RAB10: variants seen among roughly 807,000 people sequenced by gnomAD.
The protein encoded by RAB10 is ras-related protein Rab-10.
A neutral mutation model predicts 25.7 loss-of-function variants in RAB10; 5 were observed. The observed-to-expected ratio is 0.19, with a 90% CI of 0.10 to 0.41. RAB10 has a LOEUF of 0.41. Among genes scored for constraint, RAB10 ranks in the 10% least tolerant of loss-of-function variants. The pLI is 1.00. For synonymous variants in RAB10, 89 were observed against 86.4 expected (o/e 1.03, Z -0.16); for missense variants, 103 against 245.8 (o/e 0.42, Z 3.89).
In RAB10 at chr2:26,034,592, C is replaced by G. The variant is rs909527265; in HGVS notation, c.-17C>G. The G allele has an allele frequency of 1.2e-6, 2 of 1,612,692 alleles. No homozygotes were observed. Among genetic ancestry groups the G allele is most frequent in the East Asian group, 2.2e-5 (1 of 44,890 alleles). On this transcript the variant is annotated 5_prime_UTR_variant, in exon 1 of 6. Transcript: ENST00000264710. ...CCTTGGGGCCGCCGGCGGCGAGAGC[C>G]CGAGCCGCTCCTCCCAATGGCGAAG...
chr2:26,040,839 A>G (rs1242418996), intron 1 of RAB10, among the ~76,000 whole-genome samples: 1 of 152,160 alleles, frequency 6.6e-6, no homozygotes, highest in African/African-American at 2.4e-5. Flanking sequence ...GATGGTGTTC[A>G]CAAAGACTAC....
chr2:26,118,323 C>CT (rs750682172), intron 3 of RAB10, among the ~76,000 whole-genome samples: 7 of 146,816 alleles, frequency 4.8e-5, no homozygotes, highest in Non-Finnish European at 1.1e-4. Context: ...CCTCCTCCCC[C>CT]TTTTTTTTGA....
In RAB10 at chr2:26,034,606, C is replaced by T. The variant is rs1251619418; in HGVS notation, c.-3C>T. 2 of 1,613,230 alleles carry T rather than the reference C, an allele frequency of 1.2e-6. No individual in the cohort carries two copies. The highest frequency in any genetic ancestry group is 2.2e-5 in the South Asian group (2 of 91,042). ...GCGGCGAGAGCCCGAGCCGCTCCTCCCAATGGCGAAGAAGACGTACGACCT... is the reference window on the plus strand; with the variant it reads ...GCGGCGAGAGCCCGAGCCGCTCCTCTCAATGGCGAAGAAGACGTACGACCT... On this transcript the variant is annotated 5_prime_UTR_variant, in exon 1 of 6. Transcript: ENST00000264710.
chr2:26,084,229 C>T (rs1666930787), intron 1 of RAB10, among the ~76,000 whole-genome samples: 1 of 152,206 alleles, frequency 6.6e-6, no homozygotes, highest in African/African-American at 2.4e-5. Flanking sequence ...TATAAGATAG[C>T]TCTTCCTCCT....
chr2:26,074,475 G>A (rs7564025), intron 1 of RAB10, among the ~76,000 whole-genome samples: 127,258 of 152,166 alleles, frequency 0.84, 53,667 homozygotes, highest in African/African-American at 0.96. Flanking sequence ...CTGGAGTGCA[G>A]TGGCATGATC....
chr2:26,114,059 AC>A (rs770518424), intron 3 of RAB10, among the ~76,000 whole-genome samples: 1 of 152,144 alleles, frequency 6.6e-6, no homozygotes, highest in Non-Finnish European at 1.5e-5. Flanking sequence ...AACACAGAAA[AC>A]CACAAAATAT....
chr2:26,084,898 T>C (rs1160467422), intron 1 of RAB10, among the ~76,000 whole-genome samples: 1 of 152,204 alleles, frequency 6.6e-6, no homozygotes, highest in Non-Finnish European at 1.5e-5. Context: ...TAAGCCTGAT[T>C]ATTTTTAATT....
At chr2:26,078,001 A>C (rs1329094785) in intron 1 of RAB10, among the ~76,000 whole-genome samples, 1 of 152,152 alleles carries the variant, frequency 6.6e-6, no homozygotes, top group East Asian at 1.9e-4. Flanking sequence ...TAAAAAAGGT[A>C]AAGGTCTGTA....
chr2:26,106,005 T>C (rs917641295), intron 2 of RAB10, among the ~76,000 whole-genome samples: 3 of 152,238 alleles, frequency 2.0e-5, no homozygotes, highest in Non-Finnish European at 4.4e-5. Flanking sequence ...CATAGTCTAA[T>C]GATGCATTTC....
Position 26,034,223 on chromosome 2 carries a change from A to T in RAB10, c.-386A>T. 2.3e-6 allele frequency: 1 copy of T among 436,622 alleles called. No individual in the cohort carries two copies. The highest frequency in any genetic ancestry group is 6.8e-5 in the South Asian group (1 of 14,698). The allele number at this position is 436,622 out of a possible 1,614,324, so 27.0% of individuals were successfully genotyped here. A position where few individuals can be genotyped will look rare whatever the true frequency, so the allele number is the denominator to read the frequency against. On this transcript the variant is annotated 5_prime_UTR_variant, in exon 1 of 6. Coordinates refer to ENST00000264710, the MANE Select transcript of RAB10 (RefSeq NM_016131.5). ...TTCGCTGCCCTCGCCGCGTGCTAGC[A>T]GGGAGTTTCCGCTCGGGAGAGAGAC...
At chr2:26,065,983 A>G (rs1666504788) in intron 1 of RAB10, among the ~76,000 whole-genome samples, 1 of 152,190 alleles carries the variant, frequency 6.6e-6, no homozygotes, top group Non-Finnish European at 1.5e-5. Context: ...TTGTATTCTC[A>G]TCATCACTAA....
chr2:26,101,648 CTGTGGGTCTTAATGATCT>C (rs1667341806), intron 2 of RAB10: 1 of 152,158 alleles, frequency 6.6e-6, no homozygotes, highest in East Asian at 1.9e-4. Context: ...TGGCAAGGGA[CTGTGGGTCTTAATGATCT>C]TGTTCCCCAG....
At position 26,038,182 on chromosome 2, in the gene RAB10, C is replaced by T. The variant is rs940748460; in HGVS notation, c.127+3447C>T. 1.3e-4 allele frequency among the ~76,000 whole-genome samples: 20 copies of T among 150,632 alleles called. 1 individual carries two copies. Among genetic ancestry groups the T allele is most frequent in the Non-Finnish European group, 2.8e-4 (19 of 67,718 alleles). ...ATTACAGGCGGAAGCCACCACACTG[C>T]CCTCCTTTGTTTGTTTGTTTTTTTT... On this transcript the variant is annotated intron_variant, in intron 1 of 5. Coordinates refer to ENST00000264710, the MANE Select transcript of RAB10 (RefSeq NM_016131.5).
At chr2:26,076,331 A>G (rs1310533624) in intron 1 of RAB10, among the ~76,000 whole-genome samples, 1 of 152,130 alleles carries the variant, frequency 6.6e-6, no homozygotes, top group African/African-American at 2.4e-5. Context: ...TGCTTTTCTT[A>G]ATTCTGAAAG....
intron 1 of RAB10, among the ~76,000 whole-genome samples, chr2:26,062,487 G>A (rs561916994): frequency 9.0e-4 from 136 of 151,946 alleles, no homozygotes; most frequent in Non-Finnish European, 1.7e-3. Flanking sequence ...AGACCAGCAT[G>A]GTCAACCTGG....
At chr2:26,126,215 T>C (rs760352148) in intron 3 of RAB10, among the ~76,000 whole-genome samples, 4 of 152,190 alleles carry the variant, frequency 2.6e-5, no homozygotes, top group Non-Finnish European at 5.9e-5. Context: ...CATTAGTCTG[T>C]GTATCTGTCT....
chr2:26,079,723 T>C (rs914580634), intron 1 of RAB10, among the ~76,000 whole-genome samples: 1 of 151,396 alleles, frequency 6.6e-6, no homozygotes, highest in African/African-American at 2.4e-5. Flanking sequence ...TGGAGTGCAG[T>C]GGTGGGATCA....
At chr2:26,058,184 A>C (rs1666309836) in intron 1 of RAB10, among the ~76,000 whole-genome samples, 1 of 152,080 alleles carries the variant, frequency 6.6e-6, no homozygotes, top group African/African-American at 2.4e-5. Context: ...CTCCGCTGCT[A>C]CCAGCCTGGT....
At chr2:26,054,782 A>G (rs1290979329) in intron 1 of RAB10, among the ~76,000 whole-genome samples, 2 of 152,132 alleles carry the variant, frequency 1.3e-5, no homozygotes, top group Non-Finnish European at 2.9e-5. Context: ...ATATCTCTCA[A>G]GAGAGTTTAT....
Sources: gnomAD v4.1 joint callset for allele counts (sites outside exome capture counted in the v4.1 genomes callset) on GRCh38, gnomAD v4.1.1 for gene constraint, MANE v1.5 for transcripts, NCBI Gene and HGNC (gene_info 2026-07-23, HGNC 2026-07-21) for gene names.